Variants in INCA1 observed in about 807,000 individuals in gnomAD.
INCA1 encodes the protein inhibitor of CDK, cyclin A1 interacting protein 1, also known as protein INCA1.
Under a neutral mutation model 25.7 loss-of-function variants are expected in INCA1, and 28 were observed. The observed-to-expected ratio is 1.09, with a 90% CI of 0.81 to 1.49. The LOEUF (loss-of-function observed/expected upper bound fraction) is 1.49. INCA1 is among the 40% of genes most tolerant of loss of function. INCA1 has a pLI of 0.00. For synonymous variants in INCA1, 111 were observed against 103.6 expected (o/e 1.07, Z -0.43); for missense variants, 309 against 290.9 (o/e 1.06, Z -0.45).
In INCA1 at chr17:4,990,229, C is replaced by A. The variant is rs199908727; in HGVS notation, c.81G>T (p.Arg27Ser). The change falls in exon 3 of 7, where the codon AGG (arginine) becomes AGT (serine). Residue 27 changes from arginine (R) to serine (S), a missense_variant. Physicochemically the swap from Arg to Ser is moderately radical, Grantham distance 110 (BLOSUM62 -1). Transcript: ENST00000576820. The stretch of plus-strand genomic sequence containing the variant: ...TGGGTCTGAGGCTCTGGGAAGGCAA[C>A]CTTGGGGGTGGAGATCGGCTGACCA... 1.7e-5 allele frequency: 27 copies of A among 1,614,100 alleles called. No individual in the cohort carries two copies. Among genetic ancestry groups the A allele is most frequent in the Admixed American group, 8.3e-5 (5 of 60,014 alleles).
chr17:4,988,839 T>A (rs758677347), exon 6 of INCA1: 12 of 1,614,218 alleles, frequency 7.4e-6, no homozygotes, highest in Non-Finnish European at 1.0e-5. Context: ...CTCTCTCCTC[T>A]TCCAGATCAG....
At chr17:4,990,371 G>A (rs1422828938) in intron 2 of INCA1, 106 bp from the exon 3 acceptor site, 1 of 1,284,026 alleles carries the variant, frequency 7.8e-7, no homozygotes, top group Non-Finnish European at 1.1e-6. Context: ...AAGCTGCCCA[G>A]GTTCCCTCGG....
At chr17:4,989,913 C>T in exon 4 of INCA1, 1 of 1,614,188 alleles carries the variant, frequency 6.2e-7, no homozygotes, top group Non-Finnish European at 8.5e-7. Flanking sequence ...ATGTGCTGCT[C>T]CTCCAGCCAA....
intron 2 of INCA1, among the ~76,000 whole-genome samples, chr17:4,992,552 G>GGGGTTA: frequency 6.6e-6 from 1 of 151,404 alleles, no homozygotes; most frequent in East Asian, 2.0e-4. Flanking sequence ...CCAAAGTGCT[G>GGGGTTA]TAATTACAGG....
rs1193478333 is a variant in INCA1 at position 4,989,935 on chromosome 17, A to C, written c.159-6T>G. On this transcript the variant is annotated splice_polypyrimidine_tract_variant and splice_region_variant and intron_variant, in intron 3 of 6. Transcript: ENST00000576820. ...GCTCCTCCAGCCAAGTGGGGCTGTG[A>C]AGAACAAAAAGGGGGCTATAAGTGC... 1 of 1,614,182 alleles carries C rather than the reference A, an allele frequency of 6.2e-7. No homozygotes were observed. Among genetic ancestry groups the C allele is most frequent in the East Asian group, 2.2e-5 (1 of 44,876 alleles).
chr17:4,995,174 C>T (rs1404023740), intron 1 of INCA1, among the ~76,000 whole-genome samples: 4 of 150,106 alleles, frequency 2.7e-5, no homozygotes, highest in Admixed American at 2.0e-4. Flanking sequence ...CACTGCACTC[C>T]AGACTGGCAA....
chr17:4,993,580 T>A (rs1452061978), intron 2 of INCA1, among the ~76,000 whole-genome samples: 10 of 151,884 alleles, frequency 6.6e-5, no homozygotes. Context: ...GCCATTCTCC[T>A]GCCTCAGCCT....
chr17:4,990,383 C>A (rs1973790664), intron 2 of INCA1, 118 bp from the exon 3 acceptor site: 3 of 1,167,026 alleles, frequency 2.6e-6, no homozygotes, highest in Non-Finnish European at 3.5e-6. Flanking sequence ...TTCCCTCGGG[C>A]CATGTCCTCT....
intron 2 of INCA1, among the ~76,000 whole-genome samples, chr17:4,990,899 A>G (rs1221915782): frequency 6.6e-6 from 1 of 150,936 alleles, no homozygotes; most frequent in Non-Finnish European, 1.5e-5. Flanking sequence ...AAAAATTGCA[A>G]AAAATCTCAT....
At chr17:4,996,137 C>A (rs910639296) in intron 1 of INCA1, among the ~76,000 whole-genome samples, 2 of 152,052 alleles carry the variant, frequency 1.3e-5, no homozygotes, top group Non-Finnish European at 1.5e-5. Context: ...GTAATCCCAG[C>A]AATTTGGGAG....
At chr17:4,988,492 G>C (rs1973529848) in exon 7 of INCA1, 1 of 1,614,168 alleles carries the variant, frequency 6.2e-7, no homozygotes, top group African/African-American at 1.3e-5. Flanking sequence ...AGGCCAGAGA[G>C]TGCAGCTGCC....
At chr17:4,994,464 T>C in exon 2 of INCA1, 1 of 1,612,786 alleles carries the variant, frequency 6.2e-7, no homozygotes. Flanking sequence ...GTAGTTAGTC[T>C]CCTTTTTGGT....
intron 2 of INCA1, among the ~76,000 whole-genome samples, chr17:4,992,781 C>T (rs979744240): frequency 4.0e-5 from 6 of 150,384 alleles, no homozygotes; most frequent in Non-Finnish European, 8.9e-5. Flanking sequence ...GTAATCATAG[C>T]TCACTGCAGA....
At chr17:4,989,964 G>A in intron 3 of INCA1, 35 bp from the exon 4 acceptor site, 5 of 1,614,036 alleles carry the variant, frequency 3.1e-6, no homozygotes, top group Non-Finnish European at 3.4e-6. Context: ...TAAGTGCAGA[G>A]GGGACATGTC....
chr17:4,995,152 C>G (rs1340560962), intron 1 of INCA1, among the ~76,000 whole-genome samples: 3 of 151,304 alleles, frequency 2.0e-5, no homozygotes, highest in African/African-American at 7.3e-5. Flanking sequence ...TTGCAGTGAG[C>G]TGAAATTGCA....
chr17:4,989,541 C>T (rs915636786), exon 5 of INCA1: 4 of 1,614,146 alleles, frequency 2.5e-6, no homozygotes, highest in Non-Finnish European at 3.4e-6. Flanking sequence ...AACATGGCCT[C>T]CTCTTCTTTC....
chr17:4,990,498 T>C (rs1403129309), intron 2 of INCA1, among the ~76,000 whole-genome samples: 1 of 152,206 alleles, frequency 6.6e-6, no homozygotes, highest in African/African-American at 2.4e-5. Context: ...CAGATCTCAC[T>C]GAGTTTAAGC....
At chr17:4,993,509 C>T (rs1344377315) in intron 2 of INCA1, among the ~76,000 whole-genome samples, 1 of 151,800 alleles carries the variant, frequency 6.6e-6, no homozygotes, top group East Asian at 1.9e-4. Flanking sequence ...CGCTTTGTCA[C>T]TCAGGCTGGA....
chr17:4,991,598 GC>G (rs1206629490), intron 2 of INCA1, among the ~76,000 whole-genome samples: 2 of 152,236 alleles, frequency 1.3e-5, no homozygotes, highest in Non-Finnish European at 2.9e-5. Flanking sequence ...TAGGCCTGGG[GC>G]CCTTTATCTT....
Sources: gnomAD v4.1 joint callset for allele counts (sites outside exome capture counted in the v4.1 genomes callset) on GRCh38, gnomAD v4.1.1 for gene constraint, MANE v1.5 for transcripts, NCBI Gene and HGNC (gene_info 2026-07-23, HGNC 2026-07-21) for gene names.